Variants in ZNRF3 observed in about 807,000 individuals in gnomAD.
The protein encoded by ZNRF3 is E3 ubiquitin-protein ligase ZNRF3.
A neutral mutation model predicts 72.5 loss-of-function variants in ZNRF3; 23 were observed. That is an observed-to-expected ratio of 0.32 (90% CI 0.23 to 0.45). The LOEUF is 0.45. Ranked by LOEUF, ZNRF3 falls within the 20% of genes least tolerant of loss-of-function variation. The pLI, the probability that ZNRF3 is intolerant of heterozygous loss-of-function variation, is 1.00. For synonymous variants in ZNRF3, 610 were observed against 545.3 expected, an observed-to-expected ratio of 1.12 and a Z score of -1.65; for missense variants, 1,169 against 1,272.1, an observed-to-expected ratio of 0.92 and a Z score of 1.23.
At chr22:28,940,072 G>A (rs1048486137) in intron 1 of ZNRF3, among the ~76,000 whole-genome samples, 1 of 152,146 alleles carries the variant, frequency 6.6e-6, no homozygotes, top group African/African-American at 2.4e-5. Flanking sequence ...ACCTCAGCAG[G>A]CCTATGTCTT....
intron 2 of ZNRF3, among the ~76,000 whole-genome samples, chr22:29,010,755 C>T (rs570712159): frequency 2.6e-5 from 4 of 152,306 alleles, no homozygotes; most frequent in South Asian, 4.1e-4. Flanking sequence ...CTGCAACCTC[C>T]GCCTCCCAGG....
At chr22:29,010,438 T>C (rs1442584970) in intron 2 of ZNRF3, among the ~76,000 whole-genome samples, 1 of 152,234 alleles carries the variant, frequency 6.6e-6, no homozygotes, top group Non-Finnish European at 1.5e-5. Flanking sequence ...TTATTCCTTT[T>C]TATGATGGAA....
At chr22:29,040,926 G>A (rs1035811406) in intron 2 of ZNRF3, among the ~76,000 whole-genome samples, 1 of 152,142 alleles carries the variant, frequency 6.6e-6, no homozygotes, top group African/African-American at 2.4e-5. Context: ...GCTTTCTCAC[G>A]CCACATCAAT....
intron 1 of ZNRF3, among the ~76,000 whole-genome samples, chr22:28,898,160 C>G (rs8138327): frequency 3.7e-4 from 57 of 152,082 alleles, no homozygotes; most frequent in African/African-American, 1.3e-3. Flanking sequence ...GTTACCCAGG[C>G]TGCTCTTGGA....
At chr22:28,941,167 C>T (rs750913671) in intron 1 of ZNRF3, among the ~76,000 whole-genome samples, 10 of 152,064 alleles carry the variant, frequency 6.6e-5, no homozygotes, top group African/African-American at 2.2e-4. Flanking sequence ...GCTTAGATGC[C>T]GGTGGTGGTG....
chr22:29,049,094 A>ACCAAGCCTGCTGCTTCAG lies in ZNRF3; in HGVS notation c.1016-100_1016-83dup. The ACCAAGCCTGCTGCTTCAG allele has an allele frequency of 7.5e-7, 1 of 1,334,656 alleles. No individual in the cohort carries two copies. 82.7% of individuals were successfully genotyped at this position (1,334,656 alleles called of 1,614,324 possible). ...GTGAGAATGGGTACCTTGGCAGGTG[A>ACCAAGCCTGCTGCTTCAG]CCAAGCCTGCTGCTTCAGCCTTTGC... On this transcript the variant is annotated intron_variant, in intron 7 of 8. Transcript: ENST00000544604. The surrounding 1 kb of genome is among the most constrained non-coding windows in gnomAD (Gnocchi z 5.2).
At chr22:28,995,949 T>G (rs2036038816) in intron 2 of ZNRF3, among the ~76,000 whole-genome samples, 1 of 152,164 alleles carries the variant, frequency 6.6e-6, no homozygotes, top group Non-Finnish European at 1.5e-5. Flanking sequence ...CTAATTTTTC[T>G]ATTTTTAATA....
intron 2 of ZNRF3, among the ~76,000 whole-genome samples, chr22:29,011,041 C>T (rs1396646484): frequency 6.6e-6 from 1 of 152,240 alleles, no homozygotes; most frequent in Non-Finnish European, 1.5e-5. Flanking sequence ...GGTGTCTCTT[C>T]TCTTTTTTTG....
intron 1 of ZNRF3, among the ~76,000 whole-genome samples, chr22:28,948,327 G>A (rs538181066): frequency 6.6e-6 from 1 of 152,000 alleles, no homozygotes; most frequent in African/African-American, 2.4e-5. Context: ...ACCATGCCTG[G>A]CTATTTAAAA....
intron 4 of ZNRF3, 52 bp from the exon 5 acceptor site, chr22:29,044,728 C>A: frequency 7.6e-7 from 1 of 1,321,746 alleles, no homozygotes; most frequent in Non-Finnish European, 1.1e-6. Flanking sequence ...CCATGTGCCG[C>A]TTACCAGGCT....
chr22:28,996,767 C>T (rs764497387), intron 2 of ZNRF3, among the ~76,000 whole-genome samples: 8 of 152,170 alleles, frequency 5.3e-5, no homozygotes, highest in African/African-American at 9.7e-5. Context: ...AGAACCTCAG[C>T]GAAGAAGATC....
intron 1 of ZNRF3, among the ~76,000 whole-genome samples, chr22:28,966,501 T>C (rs564381525): frequency 5.9e-5 from 9 of 152,332 alleles, no homozygotes; most frequent in Non-Finnish European, 1.0e-4. Context: ...ACAGCTCATG[T>C]GTGTTACTGC....
intron 2 of ZNRF3, among the ~76,000 whole-genome samples, chr22:29,032,121 G>A (rs867985483): frequency 2.0e-5 from 3 of 152,176 alleles, no homozygotes; most frequent in Admixed American, 1.3e-4. Context: ...ATATTTCTCC[G>A]CAGGTTGCAG....
At chr22:28,886,154 C>CA (rs1051971883) in intron 1 of ZNRF3, among the ~76,000 whole-genome samples, 2 of 152,288 alleles carry the variant, frequency 1.3e-5, no homozygotes, top group Non-Finnish European at 2.9e-5. Context: ...TTTCTGCGGA[C>CA]AGAGTGCAGT....
intron 2 of ZNRF3, among the ~76,000 whole-genome samples, chr22:29,039,211 T>C (rs2036915196): frequency 6.6e-6 from 1 of 152,164 alleles, no homozygotes; most frequent in African/African-American, 2.4e-5. Context: ...ACCTCCACGT[T>C]CCGGGCGGAG....
At chr22:28,974,824 C>G (rs2035641495) in intron 1 of ZNRF3, among the ~76,000 whole-genome samples, 1 of 152,074 alleles carries the variant, frequency 6.6e-6, no homozygotes, top group Non-Finnish European at 1.5e-5. Flanking sequence ...TTTGTAGAGA[C>G]AGGGGTCTCA....
At chr22:28,937,192 TA>T (rs1569252484) in intron 1 of ZNRF3, among the ~76,000 whole-genome samples, 80 of 3,030 alleles carry the variant, frequency 0.026, 1 homozygote, top group African/African-American at 0.04. Flanking sequence ...TATATATATA[TA>T]TATATATATA....
chr22:28,988,379 A>C (rs1347859758), intron 2 of ZNRF3, among the ~76,000 whole-genome samples: 4 of 152,182 alleles, frequency 2.6e-5, no homozygotes, highest in Non-Finnish European at 5.9e-5. Flanking sequence ...TTCCAGACTT[A>C]AAGTAGCCCC....
intron 1 of ZNRF3, among the ~76,000 whole-genome samples, chr22:28,975,694 A>C (rs1033608440): frequency 1.3e-5 from 2 of 151,760 alleles, no homozygotes; most frequent in African/African-American, 4.8e-5. Context: ...CTGAGATCGC[A>C]CCACTGCACT....
Sources: allele counts gnomAD v4.1 joint callset (sites outside exome capture counted in the v4.1 genomes callset), GRCh38; gene constraint gnomAD v4.1.1; non-coding constraint Gnocchi (gnomAD v3.1); transcripts MANE v1.5; gene names NCBI Gene and HGNC (gene_info 2026-07-23, HGNC 2026-07-21).